AVEN: variants seen among roughly 807,000 people sequenced by gnomAD.
AVEN encodes the protein cell death regulator Aven.
Under a neutral mutation model 38.1 loss-of-function variants are expected in AVEN, and 41 were observed. That is an observed-to-expected ratio of 1.08 (90% CI 0.84 to 1.40). AVEN has a LOEUF of 1.40. AVEN is among the 40% of genes most tolerant of loss of function. The pLI, the probability that AVEN is intolerant of heterozygous loss-of-function variation, is 0.00. For synonymous variants in AVEN, 206 were observed against 171.8 expected, an observed-to-expected ratio of 1.20 and a Z score of -1.56; for missense variants, 605 against 438.8, an observed-to-expected ratio of 1.38 and a Z score of -3.38.
intron 2 of AVEN, among the ~76,000 whole-genome samples, chr15:33,951,607 CCTT>C (rs376627798): frequency 6.6e-6 from 1 of 151,588 alleles, no homozygotes; most frequent in Non-Finnish European, 1.5e-5. Context: ...AAAAAAAATT[CCTT>C]CTTTCATTCC....
intron 2 of AVEN, among the ~76,000 whole-genome samples, chr15:33,930,695 C>T (rs1368593023): frequency 2.6e-5 from 4 of 152,178 alleles, no homozygotes; most frequent in Non-Finnish European, 5.9e-5. Flanking sequence ...GTGGCTCACG[C>T]CTGTAATCCC....
chr15:34,026,648 G>A (rs1046022460), intron 1 of AVEN, among the ~76,000 whole-genome samples: 7 of 151,858 alleles, frequency 4.6e-5, no homozygotes, highest in Admixed American at 4.6e-4. Context: ...ATCAGAACAA[G>A]GATCACTGAG....
chr15:33,989,893 T>C (rs556050273), intron 2 of AVEN, among the ~76,000 whole-genome samples: 1 of 150,030 alleles, frequency 6.7e-6, no homozygotes, highest in South Asian at 2.1e-4. Context: ...ACGGATACAC[T>C]AGATGCTATT....
chr15:33,944,724 G>A (rs1008083065), intron 2 of AVEN, among the ~76,000 whole-genome samples: 1 of 152,060 alleles, frequency 6.6e-6, no homozygotes, highest in South Asian at 2.1e-4. Context: ...CAGGAGAATG[G>A]CATGAACTCG....
chr15:33,939,063 G>A (rs917638635), intron 2 of AVEN, among the ~76,000 whole-genome samples: 3 of 152,210 alleles, frequency 2.0e-5, no homozygotes, highest in South Asian at 2.1e-4. Flanking sequence ...GGCTGGTCTC[G>A]AACTCCTGAC....
At chr15:33,903,669 T>C (rs760170041) in intron 2 of AVEN, among the ~76,000 whole-genome samples, 1 of 152,230 alleles carries the variant, frequency 6.6e-6, no homozygotes, top group Non-Finnish European at 1.5e-5. Context: ...TTGCATTGTA[T>C]AGATCTTAAC....
At chr15:33,914,370 C>T (rs916059439) in intron 2 of AVEN, among the ~76,000 whole-genome samples, 8 of 152,022 alleles carry the variant, frequency 5.3e-5, no homozygotes, top group African/African-American at 1.9e-4. Context: ...CAGAAATAGA[C>T]CTGTACCTAA....
At chr15:33,860,166 G>A (rs1301624121) in intron 11 of AVEN, among the ~76,000 whole-genome samples, 1 of 152,196 alleles carries the variant, frequency 6.6e-6, no homozygotes, top group Non-Finnish European at 1.5e-5. Flanking sequence ...AATTTAGCTT[G>A]AGTCATGCTG....
intron 2 of AVEN, among the ~76,000 whole-genome samples, chr15:33,995,276 T>C (rs761408812): frequency 7.3e-5 from 11 of 151,250 alleles, no homozygotes; most frequent in Non-Finnish European, 1.0e-4. Context: ...TAAAAATAAA[T>C]GAATAAAGAA....
downstream of AVEN, chr15:33,864,731 G>C (rs919485577): frequency 5.3e-6 from 1 of 187,790 alleles, no homozygotes; most frequent in Non-Finnish European, 1.1e-5. Context: ...AAACTTTACA[G>C]TTCACTCATT....
chr15:33,942,264 G>A (rs1287833628), intron 2 of AVEN, among the ~76,000 whole-genome samples: 2 of 151,942 alleles, frequency 1.3e-5, no homozygotes, highest in African/African-American at 4.8e-5. Flanking sequence ...ATATATTAAT[G>A]CCCACTCCTC....
At chr15:33,854,682 G>A (rs1455180210), downstream of AVEN, 9 of 1,508,386 alleles carry the variant, frequency 6.0e-6, no homozygotes, top group Non-Finnish European at 8.0e-6. Context: ...TCCTCAGTGT[G>A]TCTCCCAAAA....
At chr15:33,864,185 G>C, downstream of AVEN, 1 of 1,610,620 alleles carries the variant, frequency 6.2e-7, no homozygotes, top group Non-Finnish European at 8.5e-7. Flanking sequence ...GAGCACACGG[G>C]TCAGGTGAGA....
upstream of AVEN, among the ~76,000 whole-genome samples, chr15:34,041,656 G>C (rs1899480933): frequency 6.6e-6 from 1 of 152,146 alleles, no homozygotes; most frequent in Non-Finnish European, 1.5e-5. Context: ...TTGGTTTGTG[G>C]ATGATGCCAA....
At chr15:33,952,868 A>C (rs1045905032) in intron 2 of AVEN, among the ~76,000 whole-genome samples, 6 of 152,064 alleles carry the variant, frequency 3.9e-5, no homozygotes, top group African/African-American at 1.4e-4. Flanking sequence ...GAAAAAAAAA[A>C]AAAAACACTT....
chr15:33,955,457 G>A (rs1407289586), intron 2 of AVEN, among the ~76,000 whole-genome samples: 3 of 152,076 alleles, frequency 2.0e-5, no homozygotes, highest in Non-Finnish European at 4.4e-5. Context: ...AACGTACAAC[G>A]CTTAAAACTA....
chr15:33,940,774 A>G (rs8031305), intron 2 of AVEN, among the ~76,000 whole-genome samples: 1,990 of 152,178 alleles, frequency 0.013, 27 homozygotes, highest in African/African-American at 0.043. Context: ...ACTCTTGACC[A>G]CGTGATCCAC....
chr15:33,854,990 T>C, downstream of AVEN: 9 of 1,340,450 alleles, frequency 6.7e-6, no homozygotes, highest in Non-Finnish European at 9.0e-6. Flanking sequence ...GTATACAGTA[T>C]ATGACAGGAA....
At chr15:34,042,427 T>C (rs1332301061), upstream of AVEN, among the ~76,000 whole-genome samples, 4 of 141,362 alleles carry the variant, frequency 2.8e-5, no homozygotes, top group African/African-American at 1.1e-4. Context: ...TGAGACGGAG[T>C]TTCGCACTTG....
Sources: allele counts gnomAD v4.1 joint callset (sites outside exome capture counted in the v4.1 genomes callset), GRCh38; gene constraint gnomAD v4.1.1; transcripts MANE v1.5; gene names NCBI Gene and HGNC (gene_info 2026-07-23, HGNC 2026-07-21).